The following CEP112 variants were observed in gnomAD, a reference collection of about 807,000 sequenced individuals.
CEP112 encodes centrosomal protein of 112 kDa.
Under a neutral mutation model 153.0 loss-of-function variants are expected in CEP112, and 127 were observed. The observed-to-expected ratio is 0.83, with a 90% CI of 0.72 to 0.96. The LOEUF is 0.96. CEP112 is among the 40% of genes least tolerant of loss of function. The probability of loss-of-function intolerance (pLI) is 0.00; values close to 1 mark genes in which losing one functional copy is unlikely to be tolerated. For missense variants in CEP112, 1,089 were observed against 1,101.2 expected (o/e 0.99, Z 0.16); for synonymous variants, 358 against 374.4 (o/e 0.96, Z 0.51).
At chr17:65,645,531 T>C (rs2045383994) in intron 24 of CEP112, among the ~76,000 whole-genome samples, 1 of 152,226 alleles carries the variant, frequency 6.6e-6, no homozygotes. Context: ...TGTCTACCAT[T>C]TTTCCTAAGC....
chr17:65,788,879 T>C (rs1004000661), intron 21 of CEP112, among the ~76,000 whole-genome samples: 1 of 152,212 alleles, frequency 6.6e-6, no homozygotes, highest in African/African-American at 2.4e-5. Flanking sequence ...ATGGCATCTA[T>C]GTCCTTATTT....
chr17:65,969,120 C>T (rs1387011301), intron 17 of CEP112, among the ~76,000 whole-genome samples: 1 of 141,956 alleles, frequency 7.0e-6, no homozygotes, highest in Non-Finnish European at 1.5e-5. Context: ...CTTGATCTGT[C>T]ACCCCAGCTA....
chr17:65,680,946 C>T (rs1233481609), intron 24 of CEP112, among the ~76,000 whole-genome samples: 1 of 152,176 alleles, frequency 6.6e-6, no homozygotes, highest in Non-Finnish European at 1.5e-5. Context: ...CCGCCATGAT[C>T]CAGTCACCTC....
In CEP112 at chr17:65,961,613, A is replaced by G; in HGVS notation, c.1737-15T>C. ...CCTCTTTTTCCCTAGAAAGGTTCAG[A>G]GAAGCTTCAGAGTTAAAATATAAAA... On this transcript the variant is annotated splice_polypyrimidine_tract_variant and intron_variant, in intron 17 of 26. Coordinates refer to ENST00000535342, the MANE Select transcript of CEP112 (RefSeq NM_001199165.4). The G allele has an allele frequency of 2.5e-6, 4 of 1,594,420 alleles. No individual in the cohort carries two copies. Among genetic ancestry groups the G allele is most frequent in the Non-Finnish European group, 3.4e-6 (4 of 1,166,192 alleles).
At chr17:65,696,140 C>T (rs1008626325) in intron 23 of CEP112, among the ~76,000 whole-genome samples, 3 of 152,170 alleles carry the variant, frequency 2.0e-5, no homozygotes, top group African/African-American at 7.2e-5. Flanking sequence ...CTTGTAGAGT[C>T]GCATTCTTGC....
chr17:65,693,955 C>T (rs1261230178), intron 23 of CEP112, among the ~76,000 whole-genome samples: 12 of 152,080 alleles, frequency 7.9e-5, no homozygotes, highest in Admixed American at 7.9e-4. Context: ...TCCCCAGACC[C>T]TGAATCTGCT....
At chr17:66,041,405 TA>T (rs1301320206) in intron 12 of CEP112, among the ~76,000 whole-genome samples, 1 of 152,174 alleles carries the variant, frequency 6.6e-6, no homozygotes, top group Non-Finnish European at 1.5e-5. Context: ...CATTTCATTA[TA>T]ATAACGAGAA....
intron 17 of CEP112, among the ~76,000 whole-genome samples, chr17:65,972,195 A>G (rs2062866977): frequency 6.6e-6 from 1 of 152,234 alleles, no homozygotes; most frequent in Non-Finnish European, 1.5e-5. Flanking sequence ...ACATCATGCA[A>G]TGCATATTTT....
At chr17:65,931,242 ACAATT>A (rs1234734351) in intron 18 of CEP112, among the ~76,000 whole-genome samples, 1 of 152,260 alleles carries the variant, frequency 6.6e-6, no homozygotes, top group Non-Finnish European at 1.5e-5. Flanking sequence ...CCAACTAGCA[ACAATT>A]CACAGACAAG....
At chr17:65,880,086 C>T (rs995832320) in intron 20 of CEP112, among the ~76,000 whole-genome samples, 2 of 151,956 alleles carry the variant, frequency 1.3e-5, no homozygotes, top group Admixed American at 1.3e-4. Flanking sequence ...TGGTTTTGTG[C>T]TATTGTAAAC....
At chr17:65,841,784 AT>A (rs2057527126) in intron 21 of CEP112, among the ~76,000 whole-genome samples, 1 of 151,984 alleles carries the variant, frequency 6.6e-6, no homozygotes, top group African/African-American at 2.4e-5. Flanking sequence ...ATTCTTACAT[AT>A]CAACATAAAT....
At chr17:65,911,660 C>T (rs188163953) in intron 19 of CEP112, among the ~76,000 whole-genome samples, 125 of 152,136 alleles carry the variant, frequency 8.2e-4, no homozygotes, top group Admixed American at 1.8e-3. Context: ...AAGACCCTAT[C>T]TCTATAAAAA....
At chr17:65,765,093 A>G (rs1312245523) in intron 21 of CEP112, among the ~76,000 whole-genome samples, 1 of 125,188 alleles carries the variant, frequency 8.0e-6, no homozygotes, top group African/African-American at 3.3e-5. Flanking sequence ...GAAGCTCTCT[A>G]TTGCATTTTT....
chr17:66,034,974 A>ATGTGTGTGTG (rs1568411223), intron 12 of CEP112, among the ~76,000 whole-genome samples: 1 of 36,618 alleles, frequency 2.7e-5, no homozygotes, highest in Non-Finnish European at 5.3e-5. Context: ...AAGTTTTTGC[A>ATGTGTGTGTG]TGTATATATA....
chr17:65,689,175 C>T lies in CEP112; in HGVS notation c.2651G>A (p.Cys884Tyr). Reference protein sequence around the residue: ...ELENRSNQVRCAEKKLQHKEL... With the variant: ...ELENRSNQVRYAEKKLQHKEL... ...TTTGTGTTGTAATTTTTTCTCTGCA[C>T]ATCGCACCTGATTAGAACGGTTTTC... Residue 884 changes from cysteine (C) to tyrosine (Y), a missense_variant, in exon 24 of 27, where the codon TGT (cysteine) becomes TAT (tyrosine). Physicochemically the swap from Cys to Tyr is radical, Grantham distance 194. Transcript: ENST00000535342. The T allele has an allele frequency of 6.2e-7, 1 of 1,613,730 alleles. No individual in the cohort carries two copies.
At chr17:66,059,112 A>T (rs1394586628) in intron 11 of CEP112, among the ~76,000 whole-genome samples, 1 of 152,184 alleles carries the variant, frequency 6.6e-6, no homozygotes, top group Admixed American at 6.5e-5. Context: ...CATATGCAGA[A>T]GAATGAAACT....
chr17:66,117,094 C>T (rs557484798), intron 6 of CEP112, among the ~76,000 whole-genome samples: 1 of 152,102 alleles, frequency 6.6e-6, no homozygotes, highest in East Asian at 1.9e-4. Flanking sequence ...CGGGGTTTCA[C>T]CATGTTGGCC....
At chr17:65,647,659 TC>T (rs1263472211) in intron 24 of CEP112, among the ~76,000 whole-genome samples, 2 of 131,372 alleles carry the variant, frequency 1.5e-5, no homozygotes, top group Non-Finnish European at 3.2e-5. Context: ...TTTTTTTTTT[TC>T]CCCATATGGA....
At chr17:66,122,439 G>T (rs926677368) in intron 6 of CEP112, among the ~76,000 whole-genome samples, 1 of 152,050 alleles carries the variant, frequency 6.6e-6, no homozygotes, top group Non-Finnish European at 1.5e-5. Context: ...CCCTCTCCAT[G>T]AGTAATTTTA....
Sources: gnomAD v4.1 joint callset for allele counts (sites outside exome capture counted in the v4.1 genomes callset) on GRCh38, gnomAD v4.1.1 for gene constraint, MANE v1.5 for transcripts, NCBI Gene and HGNC (gene_info 2026-07-23, HGNC 2026-07-21) for gene names.